CUX1: variants seen among roughly 807,000 people sequenced by gnomAD.
The protein encoded by CUX1 is protein CASP.
A neutral mutation model predicts 158.8 loss-of-function variants in CUX1; 31 were observed. The observed-to-expected ratio is 0.20, with a 90% CI of 0.15 to 0.26. CUX1 has a LOEUF of 0.26. CUX1 is among the 10% of genes least tolerant of loss of function. The pLI is 1.00. For missense variants in CUX1, 1,589 were observed against 2,014.6 expected (o/e 0.79, Z 4.04); for synonymous variants, 879 against 862.1 (o/e 1.02, Z -0.34).
At chr7:102,219,269 T>C (rs932017424) in intron 20 of CUX1, among the ~76,000 whole-genome samples, 1 of 151,914 alleles carries the variant, frequency 6.6e-6, no homozygotes, top group African/African-American at 2.4e-5. Flanking sequence ...CTGGCACCCA[T>C]TGGTGGGGGT....
intron 1 of CUX1, among the ~76,000 whole-genome samples, chr7:101,842,825 A>G (rs1240772276): frequency 2.2e-5 from 3 of 137,322 alleles, no homozygotes; most frequent in Non-Finnish European, 4.8e-5. Flanking sequence ...GACTCTTATT[A>G]TGTTTTTCAT....
chr7:102,236,507 C>T (rs1482735965), intron 22 of CUX1, among the ~76,000 whole-genome samples: 2 of 152,200 alleles, frequency 1.3e-5, no homozygotes, highest in Non-Finnish European at 2.9e-5. Flanking sequence ...AACTCCTGGC[C>T]TCAAGCAGTC....
chr7:101,900,612 G>A (rs553345064), intron 1 of CUX1, among the ~76,000 whole-genome samples: 1 of 152,246 alleles, frequency 6.6e-6, no homozygotes, highest in East Asian at 1.9e-4. Context: ...GGAGCCAGTT[G>A]GCATCTTTTA....
At chr7:101,940,652 A>C (rs1248035435) in intron 2 of CUX1, among the ~76,000 whole-genome samples, 1 of 151,718 alleles carries the variant, frequency 6.6e-6, no homozygotes, top group Non-Finnish European at 1.5e-5. Context: ...CTTGCAAGGG[A>C]ATGTGTTTTC....
intron 11 of CUX1, among the ~76,000 whole-genome samples, chr7:102,187,692 G>A (rs78283738): frequency 2.5e-4 from 35 of 141,736 alleles, no homozygotes; most frequent in Admixed American, 1.1e-3. Context: ...TTTTTTTTTA[G>A]TAGAGACGGG....
At chr7:101,816,493 C>CGAGCGGG (rs909657567), upstream of CUX1, among the ~76,000 whole-genome samples, 43 of 139,788 alleles carry the variant, frequency 3.1e-4, no homozygotes, top group African/African-American at 6.6e-4. Flanking sequence ...GGTGCGCGCG[C>CGAGCGGG]GAGCGGGGAG....
At chr7:102,113,502 T>A (rs1831145699) in intron 7 of CUX1, among the ~76,000 whole-genome samples, 1 of 152,150 alleles carries the variant, frequency 6.6e-6, no homozygotes, top group African/African-American at 2.4e-5. Context: ...GTGATCCACC[T>A]GCCTCAGCCT....
chr7:102,142,047 C>G (rs560755570), intron 8 of CUX1, among the ~76,000 whole-genome samples: 1 of 152,212 alleles, frequency 6.6e-6, no homozygotes, highest in South Asian at 2.1e-4. Context: ...GACAGGTTGC[C>G]TACCATGCCC....
intron 4 of CUX1, among the ~76,000 whole-genome samples, chr7:102,084,136 T>G (rs1827721461): frequency 6.8e-6 from 1 of 146,158 alleles, no homozygotes; most frequent in Non-Finnish European, 1.5e-5. Context: ...TCTGCCCACC[T>G]CAGCCTCCCA....
rs1039193759 is a variant in CUX1, at chr7:102,252,331, G to C, written c.*3289G>C. On this transcript the variant is annotated 3_prime_UTR_variant, in exon 24 of 24. Transcript: ENST00000292535. ...AAGTGCCTTGAACAGTGTCCCCTCG[G>C]CATGGCTCCCCTTCAGCAGGCTGGC... 59 of 985,302 alleles carry C rather than the reference G, an allele frequency of 6.0e-5. No individual in the cohort carries two copies. The African/African-American group carries it at 1.0e-3, about 17-fold the overall frequency. The allele number at this position is 985,302 out of a possible 1,614,324, so 61.0% of individuals were successfully genotyped here.
At chr7:101,827,775 T>C (rs2970469) in intron 1 of CUX1, among the ~76,000 whole-genome samples, 23,119 of 152,142 alleles carry the variant, frequency 0.15, 1,898 homozygotes, top group Non-Finnish European at 0.18. Flanking sequence ...TTAAGAAAGT[T>C]GTAAGGAAGA....
chr7:102,270,882 G>A (rs1791166069), intron 14 of CUX1, among the ~76,000 whole-genome samples: 1 of 152,164 alleles, frequency 6.6e-6, no homozygotes, highest in African/African-American at 2.4e-5. Flanking sequence ...GCAGGACTGT[G>A]TGCCCACCCC....
At chr7:102,101,340 G>T (rs1228344065) in intron 5 of CUX1, among the ~76,000 whole-genome samples, 1 of 152,140 alleles carries the variant, frequency 6.6e-6, no homozygotes, top group Non-Finnish European at 1.5e-5. Context: ...TGCTGGCCCC[G>T]TCCTCCCCTA....
chr7:102,263,853 C>T (rs556115580), intron 14 of CUX1, among the ~76,000 whole-genome samples: 9 of 151,060 alleles, frequency 6.0e-5, no homozygotes, highest in African/African-American at 1.9e-4. Context: ...TCACCATGCC[C>T]GGCTAATTTT....
chr7:102,060,802 T>C (rs944827942), intron 3 of CUX1, among the ~76,000 whole-genome samples: 8 of 150,206 alleles, frequency 5.3e-5, no homozygotes, highest in Admixed American at 4.7e-4. Context: ...TTAGTAGAGA[T>C]GGGGTTTCAC....
intron 20 of CUX1, among the ~76,000 whole-genome samples, chr7:102,221,441 G>A (rs916509990): frequency 1.1e-4 from 17 of 152,166 alleles, no homozygotes; most frequent in African/African-American, 2.7e-4. Flanking sequence ...AACACTAAAT[G>A]GAATTTGGGT....
At chr7:102,145,883 G>A (rs1319515259) in intron 8 of CUX1, among the ~76,000 whole-genome samples, 1 of 152,156 alleles carries the variant, frequency 6.6e-6, no homozygotes, top group Non-Finnish European at 1.5e-5. Flanking sequence ...GGAGGCAGAG[G>A]TTGCGGTGAG....
In CUX1 at chr7:102,256,800, C is replaced by G; in HGVS notation, c.*7758C>G. The G allele has an allele frequency of 2.0e-6, 2 of 985,482 alleles. No homozygotes were observed. The highest frequency in any genetic ancestry group is 2.4e-6 in the Non-Finnish European group (2 of 829,954). 61.0% of individuals were successfully genotyped at this position (985,482 alleles called of 1,614,324 possible). A position where few individuals can be genotyped will look rare whatever the true frequency, so the allele number is the denominator to read the frequency against. ...AGAGGGCGCGGTGGCCTGGCCAAGA[C>G]TTTACCTCCAAGCGAGAGAGTGATT... On this transcript the variant is annotated 3_prime_UTR_variant, in exon 24 of 24. Transcript: ENST00000292535.
intron 10 of CUX1, among the ~76,000 whole-genome samples, chr7:102,176,757 G>C (rs782104186): frequency 6.6e-6 from 1 of 151,410 alleles, no homozygotes; most frequent in Non-Finnish European, 1.5e-5. Flanking sequence ...TTTTTTTGTA[G>C]AGATGGGTTT....
Sources: gnomAD v4.1 joint callset for allele counts (sites outside exome capture counted in the v4.1 genomes callset) on GRCh38, gnomAD v4.1.1 for gene constraint, MANE v1.5 for transcripts, NCBI Gene and HGNC (gene_info 2026-07-23, HGNC 2026-07-21) for gene names.